The following SYNGR1 variants were observed in gnomAD, a reference collection of about 807,000 sequenced individuals.
The protein encoded by SYNGR1 is synaptogyrin 1, also known as synaptogyrin-1.
SYNGR1 carries 14 observed loss-of-function variants against 26.1 expected under a neutral mutation model. The ratio of observed to expected loss-of-function variants is 0.54; its 90% confidence interval spans 0.35 to 0.84. SYNGR1 has a LOEUF of 0.84. Ranked by LOEUF, SYNGR1 falls within the 40% of genes least tolerant of loss-of-function variation. The pLI, the probability that SYNGR1 is intolerant of heterozygous loss-of-function variation, is 0.01. For synonymous variants in SYNGR1, 141 were observed against 150.1 expected, an observed-to-expected ratio of 0.94 and a Z score of 0.44; for missense variants, 319 against 332.9, an observed-to-expected ratio of 0.96 and a Z score of 0.33.
rs1438985941 is a variant in SYNGR1 at position 39,382,823 on chromosome 22, G to A, written c.*909G>A. 1 of 152,772 alleles carries A rather than the reference G, an allele frequency of 6.5e-6. No individual in the cohort carries two copies. Among genetic ancestry groups the A allele is most frequent in the African/African-American group, 2.4e-5 (1 of 41,448 alleles). The allele number at this position is 152,772 out of a possible 1,614,324, so 9.5% of individuals were successfully genotyped here. A position where few individuals can be genotyped will look rare whatever the true frequency, so the allele number is the denominator to read the frequency against. The stretch of plus-strand genomic sequence containing the variant: ...GAGGGCTCACCCCGGGTGCTGCTCT[G>A]TGCTCTGCGTGTCCCACAGACGCTT... On this transcript the variant is annotated 3_prime_UTR_variant, in exon 4 of 4. Transcript: ENST00000328933.
At chr22:39,365,988 C>CT (rs777416803) in intron 1 of SYNGR1, among the ~76,000 whole-genome samples, 1,201 of 68,372 alleles carry the variant, frequency 0.018, 82 homozygotes, top group African/African-American at 0.032. Context: ...TCAGCCCCTT[C>CT]TTTTTTTTTT....
At chr22:39,363,820 C>A (rs1924604025) in intron 1 of SYNGR1, among the ~76,000 whole-genome samples, 1 of 152,150 alleles carries the variant, frequency 6.6e-6, no homozygotes, top group African/African-American at 2.4e-5. Flanking sequence ...TCCCCCGAGC[C>A]ACCCAGCTCA....
chr22:39,384,847 C>T lies in SYNGR1; in HGVS notation c.*2933C>T, dbSNP rs953801036. The T allele has an allele frequency of 7.5e-6, 3 of 399,016 alleles. No individual in the cohort carries two copies. Among genetic ancestry groups the T allele is most frequent in the South Asian group, 1.3e-4 (1 of 7,854 alleles). 24.7% of individuals were successfully genotyped at this position (399,016 alleles called of 1,614,324 possible). On this transcript the variant is annotated 3_prime_UTR_variant, in exon 4 of 4. Coordinates refer to ENST00000328933, the MANE Select transcript of SYNGR1 (RefSeq NM_004711.5). ...GTCGGCAGAGTCTGGGGTAGGGAGA[C>T]AGCGACTTGTCCAAGGTCAAGCACA... is the stretch of plus-strand genomic sequence containing the variant.
chr22:39,379,329 G>A (rs897267470), intron 3 of SYNGR1, among the ~76,000 whole-genome samples: 2 of 152,208 alleles, frequency 1.3e-5, no homozygotes, highest in Non-Finnish European at 2.9e-5. Flanking sequence ...TGGTCAATGA[G>A]TACAATCAAA....
rs566742891 is a variant in SYNGR1 at position 39,351,276 on chromosome 22, C to T, written c.99+1167C>T. On this transcript the variant is annotated intron_variant, in intron 1 of 3. Transcript: ENST00000328933. ...CAGCTGTGACCTCAGGGTGCCCAAG[C>T]TTCCTCCTTTCCTTGGTTTTCAGGG... Among the ~76,000 whole-genome samples, 13 of 152,342 alleles carry T rather than the reference C, an allele frequency of 8.5e-5. No individual in the cohort carries two copies. The South Asian group carries it at 1.7e-3, about 19-fold the overall frequency.
Position 39,384,673 on chromosome 22 carries a change from C to G in SYNGR1, c.*2759C>G. The G allele has an allele frequency of 2.5e-6, 1 of 399,152 alleles. No homozygotes were observed. The highest frequency in any genetic ancestry group is 4.4e-6 in the Non-Finnish European group (1 of 226,092). 24.7% of individuals were successfully genotyped at this position (399,152 alleles called of 1,614,324 possible). ...CCCTTTTCCTCCCAGCTGCCCTCCC[C>G]TACTTCTCCCTTGCTCCCAAAGCTT... On this transcript the variant is annotated 3_prime_UTR_variant, in exon 4 of 4. Coordinates refer to ENST00000328933, the MANE Select transcript of SYNGR1 (RefSeq NM_004711.5).
Position 39,382,975 on chromosome 22 carries a change from G to A in SYNGR1, c.*1061G>A, listed in dbSNP as rs1925547639. 1 of 152,350 alleles carries A rather than the reference G, an allele frequency of 6.6e-6. No individual in the cohort carries two copies. Among genetic ancestry groups the A allele is most frequent in the Admixed American group, 6.5e-5 (1 of 15,286 alleles). 9.4% of individuals were successfully genotyped at this position (152,350 alleles called of 1,614,324 possible). ...GACAACAAGGCACAGATGAGGGTGT[G>A]ACTGGCCCGAGGTCACGGTGAGTGA... On this transcript the variant is annotated 3_prime_UTR_variant, in exon 4 of 4. Transcript: ENST00000328933.
chr22:39,361,056 G>C (rs1264266890), intron 1 of SYNGR1, among the ~76,000 whole-genome samples: 1 of 152,212 alleles, frequency 6.6e-6, no homozygotes, highest in Non-Finnish European at 1.5e-5. Context: ...TTAGGGCCCT[G>C]CTCAAATATC....
intron 1 of SYNGR1, among the ~76,000 whole-genome samples, chr22:39,364,670 G>A (rs1682692837): frequency 6.6e-6 from 1 of 152,140 alleles, no homozygotes; most frequent in Admixed American, 6.5e-5. Flanking sequence ...AGGTAGGAAG[G>A]CAGGTGCAGA....
Position 39,377,462 on chromosome 22 carries a change from G to T in SYNGR1, c.483+1265G>T, listed in dbSNP as rs914533212. Reference sequence around the variant, plus strand: ...GAGTTTAGGGGCGGGGCTCACAGAGGAGTAGTGGATGATTTCTAGCCATGG... The same window carrying T: ...GAGTTTAGGGGCGGGGCTCACAGAGTAGTAGTGGATGATTTCTAGCCATGG... On this transcript the variant is annotated intron_variant, in intron 3 of 3. Coordinates refer to ENST00000328933, the MANE Select transcript of SYNGR1 (RefSeq NM_004711.5). 6.6e-6 allele frequency: 10 copies of T among 1,526,146 alleles called. 1 individual carries two copies. Among genetic ancestry groups the T allele is most frequent in the Non-Finnish European group, 6.1e-6 (7 of 1,140,232 alleles). 94.5% of individuals were successfully genotyped at this position (1,526,146 alleles called of 1,614,324 possible).
chr22:39,374,990 C>T (rs1569182196), intron 2 of SYNGR1: 1 of 268,446 alleles, frequency 3.7e-6, no homozygotes, highest in South Asian at 4.2e-5. Flanking sequence ...CAGACCTTGG[C>T]AGGACCAGGG....
chr22:39,370,022 G>C (rs1353418780), intron 1 of SYNGR1, among the ~76,000 whole-genome samples: 1 of 152,068 alleles, frequency 6.6e-6, no homozygotes, highest in Non-Finnish European at 1.5e-5. Flanking sequence ...TTGTAGAGAT[G>C]GGGTTTTGCT....
intron 3 of SYNGR1, among the ~76,000 whole-genome samples, chr22:39,379,252 C>T (rs564994480): frequency 2.6e-5 from 4 of 152,330 alleles, no homozygotes; most frequent in African/African-American, 9.6e-5. Context: ...CCTAGTCTGC[C>T]TTTCCCAAGG....
chr22:39,380,243 C>G (rs1006354452), intron 3 of SYNGR1, among the ~76,000 whole-genome samples: 3 of 151,452 alleles, frequency 2.0e-5, no homozygotes, highest in Admixed American at 2.0e-4. Flanking sequence ...GTCAGATGAT[C>G]CTGAAACTTG....
chr22:39,379,153 G>A (rs1022387277), intron 3 of SYNGR1, among the ~76,000 whole-genome samples: 5 of 152,216 alleles, frequency 3.3e-5, no homozygotes, highest in Admixed American at 1.3e-4. Flanking sequence ...AGGCTCCGGC[G>A]TCTGAGCCCC....
intron 1 of SYNGR1, among the ~76,000 whole-genome samples, chr22:39,372,438 CTTTTTTT>C (rs767314185): frequency 3.7e-5 from 2 of 54,648 alleles, no homozygotes; most frequent in African/African-American, 1.9e-4. Flanking sequence ...ACGCCCAGCT[CTTTTTTT>C]TTTTTTTTTT....
chr22:39,350,028 C>G lies in SYNGR1; in HGVS notation c.18C>G (p.Tyr6Ter). 1 of 1,381,328 alleles carries G rather than the reference C, an allele frequency of 7.2e-7. No individual in the cohort carries two copies. The highest frequency in any genetic ancestry group is 9.5e-7 in the Non-Finnish European group (1 of 1,048,398). 85.6% of individuals were successfully genotyped at this position (1,381,328 alleles called of 1,614,324 possible). A position where few individuals can be genotyped will look rare whatever the true frequency, so the allele number is the denominator to read the frequency against. The stretch of plus-strand genomic sequence containing the variant: ...CAGCCACGATGGAAGGGGGTGCGTA[C>G]GGAGCGGGCAAAGCCGGGGGCGCCT... MEGGA[Y>*]GAGKAGGAFD... Residue 6 changes from tyrosine to a stop codon, truncating the protein, a stop_gained, in exon 1 of 4, where the codon TAC becomes TAG. Transcript: ENST00000328933. LOFTEE classifies it high-confidence loss of function. This position sits in a 1 kb window ranked among gnomAD's most constrained non-coding sequence, Gnocchi z 4.3.
intron 1 of SYNGR1, among the ~76,000 whole-genome samples, chr22:39,351,486 T>G (rs1372512158): frequency 1.3e-5 from 2 of 152,270 alleles, no homozygotes; most frequent in Non-Finnish European, 2.9e-5. Context: ...TTTGTGGCTC[T>G]GAATTCATTT....
At chr22:39,380,998 T>C (rs1357591508) in intron 3 of SYNGR1, among the ~76,000 whole-genome samples, 1 of 152,038 alleles carries the variant, frequency 6.6e-6, no homozygotes, top group Non-Finnish European at 1.5e-5. Context: ...ACATAGTCAA[T>C]ATGCCAGAGG....
Sources: allele counts gnomAD v4.1 joint callset (sites outside exome capture counted in the v4.1 genomes callset), GRCh38; gene constraint gnomAD v4.1.1; non-coding constraint Gnocchi (gnomAD v3.1); transcripts MANE v1.5; gene names NCBI Gene and HGNC (gene_info 2026-07-23, HGNC 2026-07-21).